KIAA1143: variants seen among roughly 807,000 people sequenced by gnomAD.
KIAA1143 encodes KIAA1143, also known as uncharacterized protein KIAA1143.
In KIAA1143, 8 loss-of-function variants were observed where a neutral mutation model predicts 17.0. That is an observed-to-expected ratio of 0.47 (90% CI 0.28 to 0.85). The LOEUF (loss-of-function observed/expected upper bound fraction) is 0.85. Ranked by LOEUF, KIAA1143 falls within the 40% of genes least tolerant of loss-of-function variation. The probability of loss-of-function intolerance (pLI) is 0.12; values close to 1 mark genes in which losing one functional copy is unlikely to be tolerated. For synonymous variants in KIAA1143, 64 were observed against 67.8 expected, an observed-to-expected ratio of 0.94 and a Z score of 0.27; for missense variants, 162 against 183.3, an observed-to-expected ratio of 0.88 and a Z score of 0.67.
At position 44,753,507 on chromosome 3, in the gene KIAA1143, G is replaced by C. The variant is rs532568742; in HGVS notation, c.299C>G (p.Pro100Arg). 1.2e-6 allele frequency: 2 copies of C among 1,612,148 alleles called. No homozygotes were observed. The highest frequency in any genetic ancestry group is 1.1e-5 in the South Asian group (1 of 90,952). The change falls in exon 3 of 3, where the codon CCA becomes CGA. Residue 100 changes from proline (P) to arginine (R), a missense_variant. Transcript: ENST00000296121. ...PADGRIIYRK[P>R]VKHPSDEKYS... ...TTTTTCATCTGAGGGATGCTTGACT[G>C]GTTTTCGATATATGATTCTTCCATC...
rs745865631 is a variant in KIAA1143 at position 44,761,567 on chromosome 3, T to G, written c.36A>C (p.Pro12=). 1 of 1,614,104 alleles carries G rather than the reference T, an allele frequency of 6.2e-7. No homozygotes were observed. The highest frequency in any genetic ancestry group is 1.1e-5 in the South Asian group (1 of 91,080). ...SKRNQVSYVR[P]AEPAFLARFK... The stretch of plus-strand genomic sequence containing the variant: ...AGCGGGCCAGAAACGCCGGCTCGGC[T>G]GGCCGCACGTACGATACCTGGTTCC... The change falls in exon 1 of 3, where the codon CCA becomes CCC. Residue 12 remains proline, a synonymous_variant. Transcript: ENST00000296121.
intron 1 of KIAA1143, among the ~76,000 whole-genome samples, chr3:44,755,946 A>C (rs1704963987): frequency 6.6e-6 from 1 of 152,232 alleles, no homozygotes; most frequent in Non-Finnish European, 1.5e-5. Context: ...CAAGTTCTCA[A>C]GTCTGCTCTA....
intron 1 of KIAA1143, among the ~76,000 whole-genome samples, 173 bp from the exon 2 acceptor site, chr3:44,754,541 G>T (rs1704938755): frequency 6.6e-6 from 1 of 152,174 alleles, no homozygotes. Context: ...AAGGGAACAG[G>T]TTTAACTGCC....
At chr3:44,760,145 T>A (rs1705054944) in intron 1 of KIAA1143, among the ~76,000 whole-genome samples, 2 of 152,202 alleles carry the variant, frequency 1.3e-5, no homozygotes, top group East Asian at 3.9e-4. Context: ...TTCACAGGAT[T>A]TAAGAGTTAG....
intron 1 of KIAA1143, 137 bp downstream of exon 1, chr3:44,761,358 G>T (rs888416853): frequency 1.1e-5 from 7 of 644,904 alleles, no homozygotes; most frequent in Non-Finnish European, 1.9e-5. Flanking sequence ...CAGCCTGGGG[G>T]TCCGAGTTCC....
chr3:44,756,385 AC>A (rs946443516), intron 1 of KIAA1143, among the ~76,000 whole-genome samples: 2 of 151,842 alleles, frequency 1.3e-5, no homozygotes, highest in Non-Finnish European at 2.9e-5. Flanking sequence ...ACATGGTGAA[AC>A]CCCCCGTCTC....
chr3:44,757,837 G>C (rs558046713), intron 1 of KIAA1143, among the ~76,000 whole-genome samples: 1 of 152,106 alleles, frequency 6.6e-6, no homozygotes, highest in Non-Finnish European at 1.5e-5. Flanking sequence ...CAGTGCATGG[G>C]GTTAGCACAT....
rs1459707126 is a variant in KIAA1143 at position 44,751,234 on chromosome 3, C to T, written c.*2107G>A. On this transcript the variant is annotated 3_prime_UTR_variant, in exon 3 of 3. Coordinates refer to ENST00000296121, the MANE Select transcript of KIAA1143 (RefSeq NM_020696.4). ...GACTGGAGACAGAAATATTGTATGT[C>T]CCTAAATTAATATAGCTCCCAACAA... 1 of 151,858 alleles carries T rather than the reference C, an allele frequency of 6.6e-6. No homozygotes were observed. The highest frequency in any genetic ancestry group is 1.5e-5 in the Non-Finnish European group (1 of 67,964). 9.4% of individuals were successfully genotyped at this position (151,858 alleles called of 1,614,324 possible). A position where few individuals can be genotyped will look rare whatever the true frequency, so the allele number is the denominator to read the frequency against.
At chr3:44,756,899 G>GA (rs1704981199) in intron 1 of KIAA1143, among the ~76,000 whole-genome samples, 1 of 152,104 alleles carries the variant, frequency 6.6e-6, no homozygotes, top group Non-Finnish European at 1.5e-5. Flanking sequence ...ATATGTATGG[G>GA]AAAAAACATA....
At position 44,761,453 on chromosome 3, in the gene KIAA1143, G is replaced by T. The variant is rs764917855; in HGVS notation, c.108+42C>A. ...TAGAGGCAAAAGTTGAAAGTGGCGGGCTGGCTGCGCTTCCGAAGAAACACG... is the reference window on the plus strand; with the variant it reads ...TAGAGGCAAAAGTTGAAAGTGGCGGTCTGGCTGCGCTTCCGAAGAAACACG... On this transcript the variant is annotated intron_variant, in intron 1 of 2. Coordinates refer to ENST00000296121, the MANE Select transcript of KIAA1143 (RefSeq NM_020696.4). The T allele has an allele frequency of 1.1e-5, 17 of 1,493,340 alleles. No individual in the cohort carries two copies. In the Admixed American group the frequency reaches 3.1e-4, roughly 28 times the overall value. 92.5% of individuals were successfully genotyped at this position (1,493,340 alleles called of 1,614,324 possible). A position where few individuals can be genotyped will look rare whatever the true frequency, so the allele number is the denominator to read the frequency against.
Position 44,751,090 on chromosome 3 carries a change from C to T in KIAA1143, c.*2251G>A, listed in dbSNP as rs1468339537. 1.6e-4 allele frequency: 24 copies of T among 151,584 alleles called. No individual in the cohort carries two copies. The highest frequency in any genetic ancestry group is 3.9e-4 in the Admixed American group (6 of 15,212). 9.4% of individuals were successfully genotyped at this position (151,584 alleles called of 1,614,324 possible). A position where few individuals can be genotyped will look rare whatever the true frequency, so the allele number is the denominator to read the frequency against. ...TCTAGCAAAGCCAATCTAGGAGAGT[C>T]TATATGGACAATGATTCTTGTTGCA... On this transcript the variant is annotated 3_prime_UTR_variant, in exon 3 of 3. Transcript: ENST00000296121.
At chr3:44,755,166 G>A (rs918903225) in intron 1 of KIAA1143, among the ~76,000 whole-genome samples, 1 of 152,040 alleles carries the variant, frequency 6.6e-6, no homozygotes, top group Non-Finnish European at 1.5e-5. Flanking sequence ...TCACTGCCTT[G>A]CATTTAATTA....
Position 44,761,548 on chromosome 3 carries a change from C to A in KIAA1143, c.55G>T (p.Ala19Ser), listed in dbSNP as rs762681225. The A allele has an allele frequency of 6.2e-7, 1 of 1,614,124 alleles. No individual in the cohort carries two copies. The highest frequency in any genetic ancestry group is 8.5e-7 in the Non-Finnish European group (1 of 1,180,030). ...YVRPAEPAFLARFKERVGYRE... is the reference protein window; with the variant it reads ...YVRPAEPAFLSRFKERVGYRE... ...TAGCCGACCCGTTCCTTGAAGCGGG[C>A]CAGAAACGCCGGCTCGGCTGGCCGC... The change falls in exon 1 of 3, where the codon GCC becomes TCC. Residue 19 changes from alanine to serine, a missense_variant. This residue lies in a region of KIAA1143 where 137 missense variants were observed against 132.5 expected (regional missense o/e 1.03). Coordinates refer to ENST00000296121, the MANE Select transcript of KIAA1143 (RefSeq NM_020696.4).
In KIAA1143 at chr3:44,753,189, G is replaced by A. The variant is rs573295574; in HGVS notation, c.*152C>T. 1.9e-3 allele frequency: 1,019 copies of A among 545,768 alleles called. 7 individuals are homozygous for A. The highest frequency in any genetic ancestry group is 2.4e-3 in the Non-Finnish European group (749 of 310,820). 33.8% of individuals were successfully genotyped at this position (545,768 alleles called of 1,614,324 possible). ...AGAGTTGGCATTTTAAGTCAGAGGG[G>A]TATTGATGAATAGATGTAGTTTATT... On this transcript the variant is annotated 3_prime_UTR_variant, in exon 3 of 3. Transcript: ENST00000296121.
In KIAA1143 at chr3:44,754,266, C is replaced by T. The variant is rs767935754; in HGVS notation, c.211G>A (p.Glu71Lys). ...VLKKGDLSVE[E>K]VMKIKAEIKA... ...ATTTCTGCTTTAATTTTCATGACTT[C>T]TTCAACTGACAGGTCTCCCTTTTTT... Residue 71 changes from glutamate (E) to lysine (K), a missense_variant, in exon 2 of 3, where the codon GAA becomes AAA. Physicochemically the swap from Glu to Lys is moderately conservative, Grantham distance 56. This residue lies in a region of KIAA1143 where 137 missense variants were observed against 132.5 expected (regional missense o/e 1.03). Coordinates refer to ENST00000296121, the MANE Select transcript of KIAA1143 (RefSeq NM_020696.4). 2.5e-6 allele frequency: 4 copies of T among 1,613,942 alleles called. No homozygotes were observed. In the African/African-American group the frequency reaches 4.0e-5, roughly 16 times the overall value.
chr3:44,760,399 CTTTT>C (rs957276490), intron 1 of KIAA1143, among the ~76,000 whole-genome samples: 1 of 151,362 alleles, frequency 6.6e-6, no homozygotes, highest in Non-Finnish European at 1.5e-5. Context: ...TCTTTTTTTT[CTTTT>C]TTTTGAGACG....
chr3:44,761,399 G>C, intron 1 of KIAA1143, 96 bp downstream of exon 1: 1 of 915,010 alleles, frequency 1.1e-6, no homozygotes. Flanking sequence ...CGGGTGAAAA[G>C]AGGGACCCGA....
rs138889209 is a variant in KIAA1143 at position 44,761,586 on chromosome 3, T to C, written c.17A>G (p.Gln6Arg). The C allele has an allele frequency of 3.0e-4, 478 of 1,611,258 alleles. 4 individuals are homozygous for C. In the African/African-American group the frequency reaches 5.2e-3, roughly 18 times the overall value. Residue 6 changes from glutamine (Q) to arginine (R), a missense_variant, in exon 1 of 3, where the codon CAG becomes CGG. Transcript: ENST00000296121. MSKRN[Q>R]VSYVRPAEPA... ...CTCGGCTGGCCGCACGTACGATACCTGGTTCCGCTTGCTCATGGTAGCTCT... is the reference window on the plus strand; with the variant it reads ...CTCGGCTGGCCGCACGTACGATACCCGGTTCCGCTTGCTCATGGTAGCTCT...
rs752194727 is a variant in KIAA1143, at chr3:44,761,615, TAA to T, written c.-15_-14del. 1 of 1,547,192 alleles carries T rather than the reference TAA, an allele frequency of 6.5e-7. No individual in the cohort carries two copies. Among genetic ancestry groups the T allele is most frequent in the Admixed American group, 1.9e-5 (1 of 53,236 alleles). On this transcript the variant is annotated 5_prime_UTR_variant, in exon 1 of 3. Coordinates refer to ENST00000296121, the MANE Select transcript of KIAA1143 (RefSeq NM_020696.4). ...TCCGCTTGCTCATGGTAGCTCTGGG[TAA>T]AGACAGAAGACAGGTTCCGCGACGG... is the stretch of plus-strand genomic sequence containing the variant.
Sources: allele counts gnomAD v4.1 joint callset (sites outside exome capture counted in the v4.1 genomes callset), GRCh38; gene constraint gnomAD v4.1.1; regional missense constraint gnomAD v4.1.1; transcripts MANE v1.5; gene names NCBI Gene and HGNC (gene_info 2026-07-23, HGNC 2026-07-21).